Variants in CCDC85A observed in about 807,000 individuals in gnomAD.
CCDC85A encodes the protein coiled-coil domain containing 85A, also known as coiled-coil domain-containing protein 85A.
A neutral mutation model predicts 50.2 loss-of-function variants in CCDC85A; 38 were observed. The observed-to-expected ratio is 0.76, with a 90% CI of 0.58 to 0.99. The LOEUF (loss-of-function observed/expected upper bound fraction) is 0.99. Ranked by LOEUF, CCDC85A falls within the 50% of genes least tolerant of loss-of-function variation. The pLI is 0.00. For missense variants in CCDC85A, 820 were observed against 742.0 expected, an observed-to-expected ratio of 1.11 and a Z score of -1.22; for synonymous variants, 366 against 301.4, an observed-to-expected ratio of 1.21 and a Z score of -2.22.
At chr2:56,347,419 C>A (rs1674681777) in intron 3 of CCDC85A, among the ~76,000 whole-genome samples, 1 of 152,156 alleles carries the variant, frequency 6.6e-6, no homozygotes, top group Admixed American at 6.5e-5. Flanking sequence ...TTGACAAATT[C>A]ATTTTTTCCA....
chr2:56,185,291 G>A (rs905626023), intron 1 of CCDC85A, among the ~76,000 whole-genome samples: 2 of 152,234 alleles, frequency 1.3e-5, no homozygotes, highest in African/African-American at 4.8e-5. Flanking sequence ...TCGCCTTGGA[G>A]GGTCGGGAAT....
intron 2 of CCDC85A, among the ~76,000 whole-genome samples, chr2:56,238,268 TTAGC>T (rs1465490077): frequency 6.6e-6 from 1 of 151,852 alleles, no homozygotes; most frequent in Non-Finnish European, 1.5e-5. Flanking sequence ...ATACAAAAAA[TTAGC>T]TAGGCATGGT....
intron 2 of CCDC85A, among the ~76,000 whole-genome samples, chr2:56,324,460 C>G (rs1016437739): frequency 6.9e-6 from 1 of 144,380 alleles, no homozygotes; most frequent in African/African-American, 2.7e-5. Flanking sequence ...CAAGCAGAGA[C>G]ACTCCTCTGG....
chr2:56,339,460 G>T (rs1674248171), intron 2 of CCDC85A, among the ~76,000 whole-genome samples: 2 of 152,084 alleles, frequency 1.3e-5, no homozygotes, highest in African/African-American at 2.4e-5. Context: ...GAAAACATCA[G>T]ATATATAAAC....
intron 2 of CCDC85A, among the ~76,000 whole-genome samples, chr2:56,316,277 T>C (rs1672917406): frequency 6.6e-6 from 1 of 152,158 alleles, no homozygotes; most frequent in Non-Finnish European, 1.5e-5. Context: ...TTGGCTTATA[T>C]AATTCTCCTA....
intron 2 of CCDC85A, among the ~76,000 whole-genome samples, chr2:56,262,413 G>A (rs759210934): frequency 3.3e-5 from 5 of 152,062 alleles, no homozygotes; most frequent in South Asian, 2.1e-4. Flanking sequence ...CTTTTTCTCG[G>A]TCTAATACAA....
chr2:56,360,199 C>G (rs1170492792), intron 3 of CCDC85A, among the ~76,000 whole-genome samples: 2 of 152,232 alleles, frequency 1.3e-5, no homozygotes, highest in Admixed American at 1.3e-4. Flanking sequence ...AATGCTTGGT[C>G]AGTGACTAAT....
intron 2 of CCDC85A, among the ~76,000 whole-genome samples, chr2:56,263,887 C>T (rs1442419927): frequency 6.6e-6 from 1 of 152,190 alleles, no homozygotes; most frequent in Non-Finnish European, 1.5e-5. Context: ...GTTCTATCTT[C>T]CTTCATTCCC....
chr2:56,325,011 A>G (rs1012797402), intron 2 of CCDC85A, among the ~76,000 whole-genome samples: 3 of 152,092 alleles, frequency 2.0e-5, no homozygotes, highest in Non-Finnish European at 4.4e-5. Context: ...GAGATAACTA[A>G]CATGAAAACT....
chr2:56,343,076 C>A, intron 3 of CCDC85A, 121 bp downstream of exon 3: 1 of 659,180 alleles, frequency 1.5e-6, no homozygotes. Context: ...TTGTAAATAG[C>A]CATTCATCAA....
chr2:56,327,911 G>A (rs1673560805), intron 2 of CCDC85A, among the ~76,000 whole-genome samples: 2 of 150,828 alleles, frequency 1.3e-5, no homozygotes, highest in Non-Finnish European at 2.9e-5. Context: ...CTGAATGCCT[G>A]CTCTGTGCTA....
At chr2:56,348,424 C>G (rs1462273612) in intron 3 of CCDC85A, among the ~76,000 whole-genome samples, 1 of 152,168 alleles carries the variant, frequency 6.6e-6, no homozygotes, top group Non-Finnish European at 1.5e-5. Context: ...GAGTGAGCCC[C>G]TTCCAGCAAG....
chr2:56,282,769 C>G (rs1473476381), intron 2 of CCDC85A, among the ~76,000 whole-genome samples: 2 of 152,250 alleles, frequency 1.3e-5, no homozygotes, highest in Non-Finnish European at 2.9e-5. Flanking sequence ...CTCGGCCTCC[C>G]AGAGTGCTGG....
At chr2:56,305,683 A>G (rs546777287) in intron 2 of CCDC85A, among the ~76,000 whole-genome samples, 198 of 152,374 alleles carry the variant, frequency 1.3e-3, no homozygotes, top group African/African-American at 3.9e-3. Context: ...AGCAAATTGT[A>G]TCTCAGCATT....
chr2:56,379,461 A>T (rs952114858), intron 5 of CCDC85A, among the ~76,000 whole-genome samples: 2 of 152,214 alleles, frequency 1.3e-5, no homozygotes, highest in African/African-American at 4.8e-5. Flanking sequence ...GATTATCTTA[A>T]TGACCAAAGT....
chr2:56,367,799 C>A (rs17047830), intron 3 of CCDC85A, among the ~76,000 whole-genome samples: 44,241 of 152,032 alleles, frequency 0.29, 7,030 homozygotes, highest in East Asian at 0.39. Flanking sequence ...CAAAAACATT[C>A]ATGATAAGGA....
chr2:56,282,751 C>T (rs1453858094), intron 2 of CCDC85A, among the ~76,000 whole-genome samples: 1 of 152,204 alleles, frequency 6.6e-6, no homozygotes, highest in Non-Finnish European at 1.5e-5. Flanking sequence ...CTCATGTGAT[C>T]CTCTCGCCTC....
At position 56,192,477 on chromosome 2, in the gene CCDC85A, G is replaced by A. The variant is rs201661548; in HGVS notation, c.277G>A (p.Asp93Asn). The A allele has an allele frequency of 1.6e-4, 259 of 1,605,838 alleles. No individual in the cohort carries two copies. Among genetic ancestry groups the A allele is most frequent in the Non-Finnish European group, 2.1e-4 (247 of 1,176,178 alleles). Residue 93 changes from aspartate (D) to asparagine (N), a missense_variant and splice_region_variant, in exon 2 of 6, where the codon GAT becomes AAT. Transcript: ENST00000407595. The surrounding 1 kb of genome is among the most constrained non-coding windows in gnomAD (Gnocchi z 4.7). ...LHLGEIRGLK[D>N]INQKLQEDNQ... ...TGAATGGTTGTGTCTCTCTTTTCAG[G>A]ATATCAACCAGAAACTCCAGGAAGA... is the stretch of plus-strand genomic sequence containing the variant.
rs184301300 is a variant in CCDC85A at position 56,266,006 on chromosome 2, C to T, written c.1240+72566C>T. 1.1e-4 allele frequency among the ~76,000 whole-genome samples: 16 copies of T among 152,136 alleles called. No individual in the cohort carries two copies. The East Asian group carries it at 2.7e-3, about 26-fold the overall frequency. Reference sequence around the variant, plus strand: ...TGTCATTTGCCACATCGTGAATGAACCTAGAGGACATTATGCTAAGTGAAA... The same window carrying T: ...TGTCATTTGCCACATCGTGAATGAATCTAGAGGACATTATGCTAAGTGAAA... On this transcript the variant is annotated intron_variant, in intron 2 of 5. Coordinates refer to ENST00000407595, the MANE Select transcript of CCDC85A (RefSeq NM_001080433.2).
Sources: gnomAD v4.1 joint callset for allele counts (sites outside exome capture counted in the v4.1 genomes callset) on GRCh38, gnomAD v4.1.1 for gene constraint, Gnocchi (gnomAD v3.1) non-coding constraint, MANE v1.5 for transcripts, NCBI Gene and HGNC (gene_info 2026-07-23, HGNC 2026-07-21) for gene names.